The following SETDB2 variants were observed in gnomAD, a reference collection of about 807,000 sequenced individuals.
SETDB2 encodes the protein SET domain bifurcated histone lysine methyltransferase 2.
A neutral mutation model predicts 82.5 loss-of-function variants in SETDB2; 56 were observed. That is an observed-to-expected ratio of 0.68 (90% CI 0.55 to 0.85). SETDB2 has a LOEUF of 0.85. Ranked by LOEUF, SETDB2 falls within the 40% of genes least tolerant of loss-of-function variation. The pLI, the probability that SETDB2 is intolerant of heterozygous loss-of-function variation, is 0.00. For missense variants in SETDB2, 677 were observed against 816.4 expected (o/e 0.83, Z 2.08); for synonymous variants, 272 against 284.9 (o/e 0.95, Z 0.46).
At position 49,460,243 on chromosome 13, in the gene SETDB2, A is replaced by C; in HGVS notation, c.142+11A>C. ...CTGCCACCAATAAAGGTATGAAGCA[A>C]TAAAAACTTTGAATATGTTTAATAC... On this transcript the variant is annotated intron_variant, in intron 3 of 13. Coordinates refer to ENST00000611815, the MANE Select transcript of SETDB2 (RefSeq NM_001160308.3). The C allele has an allele frequency of 6.2e-7, 1 of 1,609,826 alleles. No individual in the cohort carries two copies. Among genetic ancestry groups the C allele is most frequent in the African/African-American group, 1.3e-5 (1 of 74,832 alleles).
rs186298394 is a variant in SETDB2, at chr13:49,464,594, C to T, written c.209-3270C>T. Among the ~76,000 whole-genome samples the T allele has an allele frequency of 1.1e-4, 16 of 152,136 alleles. No individual in the cohort carries two copies. The East Asian group carries it at 3.1e-3, about 29-fold the overall frequency. ...GGAAATAATTTTATCAATAGAAATG[C>T]CGAATATTATAATTTCATATTTTTA... is the stretch of plus-strand genomic sequence containing the variant. On this transcript the variant is annotated intron_variant, in intron 4 of 13. Coordinates refer to ENST00000611815, the MANE Select transcript of SETDB2 (RefSeq NM_001160308.3).
At chr13:49,467,983 A>G (rs746468358) in intron 5 of SETDB2, 23 bp downstream of exon 5, 15 of 1,502,146 alleles carry the variant, frequency 1.0e-5, no homozygotes, top group Admixed American at 7.6e-5. Context: ...ATTCTTTGTT[A>G]TTAATGCTTT....
At chr13:49,451,030 C>T (rs1333758324) in intron 1 of SETDB2, among the ~76,000 whole-genome samples, 1 of 151,196 alleles carries the variant, frequency 6.6e-6, no homozygotes, top group Non-Finnish European at 1.5e-5. Context: ...GTATGTTATA[C>T]AGCCAGTTGT....
In SETDB2 at chr13:49,492,795, C is replaced by CA. The variant is rs1229850479; in HGVS notation, c.*952dup. 6.6e-6 allele frequency: 1 copy of CA among 152,078 alleles called. No individual in the cohort carries two copies. Among genetic ancestry groups the CA allele is most frequent in the Admixed American group, 6.6e-5 (1 of 15,260 alleles). The allele number at this position is 152,078 out of a possible 1,614,324, so 9.4% of individuals were successfully genotyped here. A position where few individuals can be genotyped will look rare whatever the true frequency, so the allele number is the denominator to read the frequency against. On this transcript the variant is annotated 3_prime_UTR_variant, in exon 14 of 14. Coordinates refer to ENST00000611815, the MANE Select transcript of SETDB2 (RefSeq NM_001160308.3). ...GCAACATGTCAAAACCCTGTCTCTA[C>CA]AAAAAATACAAAAATTAGCCTGGCA... is the stretch of plus-strand genomic sequence containing the variant.
chr13:49,471,923 T>C (rs1345050520), intron 5 of SETDB2, among the ~76,000 whole-genome samples: 2 of 62,148 alleles, frequency 3.2e-5, no homozygotes, highest in Non-Finnish European at 5.8e-5. Flanking sequence ...CATATATATA[T>C]ATATATATAT....
chr13:49,482,617 G>A (rs1958501648), intron 8 of SETDB2, 120 bp from the exon 9 acceptor site: 1 of 679,272 alleles, frequency 1.5e-6, no homozygotes, highest in African/African-American at 1.8e-5. Flanking sequence ...ATGAGTTAAT[G>A]TGTTTATCTT....
At chr13:49,479,393 A>G (rs1208985379) in intron 6 of SETDB2, among the ~76,000 whole-genome samples, 1 of 152,208 alleles carries the variant, frequency 6.6e-6, no homozygotes, top group Non-Finnish European at 1.5e-5. Flanking sequence ...GGAAAGAACA[A>G]TTATAGATTT....
At chr13:49,482,233 T>C in intron 8 of SETDB2, 2 of 985,446 alleles carry the variant, frequency 2.0e-6, no homozygotes, top group Middle Eastern at 5.2e-4. Flanking sequence ...ACTTGGCAAC[T>C]ATAATATTGA....
Position 49,493,273 on chromosome 13 carries a change from AAAATG to A in SETDB2, c.*1430_*1434del, listed in dbSNP as rs1213953174. ...ACGCAGGAATTTCAGGCAATGCACT[AAAATG>A]AAATGGGGGAAAAAAGCTTGATCAG... On this transcript the variant is annotated 3_prime_UTR_variant, in exon 14 of 14. Coordinates refer to ENST00000611815, the MANE Select transcript of SETDB2 (RefSeq NM_001160308.3). 1.3e-5 allele frequency: 2 copies of A among 152,230 alleles called. No individual in the cohort carries two copies. The highest frequency in any genetic ancestry group is 4.8e-5 in the African/African-American group (2 of 41,454). The allele number at this position is 152,230 out of a possible 1,614,324, so 9.4% of individuals were successfully genotyped here. A position where few individuals can be genotyped will look rare whatever the true frequency, so the allele number is the denominator to read the frequency against.
At chr13:49,452,012 C>G in intron 2 of SETDB2, 103 bp downstream of exon 2, 1 of 790,200 alleles carries the variant, frequency 1.3e-6, no homozygotes, top group Non-Finnish European at 1.9e-6. Flanking sequence ...TTGCGAGGAA[C>G]TTTTCTGAAT....
chr13:49,473,243 C>T (rs910275130), intron 5 of SETDB2, among the ~76,000 whole-genome samples: 1 of 151,906 alleles, frequency 6.6e-6, no homozygotes, highest in Non-Finnish European at 1.5e-5. Flanking sequence ...AAGAGCAAAA[C>T]AGGAACCAAA....
chr13:49,460,528 A>G (rs770242015), intron 3 of SETDB2, among the ~76,000 whole-genome samples: 3 of 152,160 alleles, frequency 2.0e-5, no homozygotes, highest in Non-Finnish European at 4.4e-5. Context: ...TTTCATATGT[A>G]TGTGTAAAAG....
At chr13:49,472,128 T>C (rs1352728076) in intron 5 of SETDB2, among the ~76,000 whole-genome samples, 1 of 151,748 alleles carries the variant, frequency 6.6e-6, no homozygotes, top group Non-Finnish European at 1.5e-5. Flanking sequence ...AAGCCCAGTA[T>C]GTATACAAGA....
chr13:49,475,716 G>A lies in SETDB2; in HGVS notation c.306-760G>A, dbSNP rs567307006. On this transcript the variant is annotated intron_variant, in intron 5 of 13. Transcript: ENST00000611815. ...TTGCCCAGGCTGATCTTGAGCTCCT[G>A]AGCTCAAGCAGTCCTTCCGTCTTGG... Among the ~76,000 whole-genome samples, 12 of 152,044 alleles carry A rather than the reference G, an allele frequency of 7.9e-5. 1 individual carries two copies. The highest frequency in any genetic ancestry group is 7.9e-4 in the Admixed American group (12 of 15,282).
chr13:49,446,440 A>G (rs1442156463), intron 1 of SETDB2: 3 of 455,502 alleles, frequency 6.6e-6, no homozygotes, highest in Non-Finnish European at 1.3e-5. Flanking sequence ...CCCGCTGGAG[A>G]CTTTGGTACA....
At chr13:49,485,926 G>A in intron 11 of SETDB2, 1 of 674,154 alleles carries the variant, frequency 1.5e-6, no homozygotes, top group Non-Finnish European at 2.7e-6. Context: ...TGGCATGTGA[G>A]CTAAGAATGA....
chr13:49,454,282 A>G (rs1005455943), intron 2 of SETDB2, among the ~76,000 whole-genome samples: 3 of 152,234 alleles, frequency 2.0e-5, no homozygotes, highest in African/African-American at 4.8e-5. Context: ...GCACACGCCT[A>G]TATGTAATCC....
At position 49,446,476 on chromosome 13, in the gene SETDB2, T is replaced by TA. The variant is rs1251996539; in HGVS notation, c.-342+1620dup. On this transcript the variant is annotated intron_variant, in intron 1 of 13. Coordinates refer to ENST00000611815, the MANE Select transcript of SETDB2 (RefSeq NM_001160308.3). ...GAGCTTTCAAGTGTTTTTTAATACT[T>TA]ACACCTTTTAATACTGTTACATATT... 1.2e-4 allele frequency: 53 copies of TA among 441,118 alleles called. No individual in the cohort carries two copies. In the Admixed American group the frequency reaches 1.3e-3, roughly 11 times the overall value. 27.3% of individuals were successfully genotyped at this position (441,118 alleles called of 1,614,324 possible). A position where few individuals can be genotyped will look rare whatever the true frequency, so the allele number is the denominator to read the frequency against.
intron 12 of SETDB2, among the ~76,000 whole-genome samples, chr13:49,490,279 CA>C (rs60013535): frequency 1.1e-3 from 88 of 83,158 alleles, no homozygotes; most frequent in Admixed American, 1.6e-3. Flanking sequence ...GACTCCGTCT[CA>C]AAAAAAAAAA....
Sources: gnomAD v4.1 joint callset for allele counts (sites outside exome capture counted in the v4.1 genomes callset) on GRCh38, gnomAD v4.1.1 for gene constraint, MANE v1.5 for transcripts, NCBI Gene and HGNC (gene_info 2026-07-23, HGNC 2026-07-21) for gene names.